MROH2B: variants seen among roughly 807,000 people sequenced by gnomAD.
MROH2B encodes the protein maestro heat-like repeat-containing protein family member 2B.
In MROH2B, 177 loss-of-function variants were observed where a neutral mutation model predicts 208.6. The observed-to-expected ratio is 0.85, with a 90% CI of 0.75 to 0.96. The LOEUF is 0.96. Ranked by LOEUF, MROH2B falls within the 40% of genes least tolerant of loss-of-function variation. MROH2B has a pLI of 0.00. For synonymous variants in MROH2B, 728 were observed against 659.0 expected, an observed-to-expected ratio of 1.10 and a Z score of -1.60; for missense variants, 2,002 against 1,878.7, an observed-to-expected ratio of 1.07 and a Z score of -1.21.
At chr5:41,007,005 T>A (rs1446023159) in intron 34 of MROH2B, among the ~76,000 whole-genome samples, 4 of 152,116 alleles carry the variant, frequency 2.6e-5, no homozygotes, top group African/African-American at 7.2e-5. Flanking sequence ...AAATTTTTTT[T>A]AAAAAGCTGA....
At position 41,052,516 on chromosome 5, in the gene MROH2B, C is replaced by T. The variant is rs1353921514; in HGVS notation, c.1179G>A (p.Trp393Ter). 3 of 1,612,632 alleles carry T rather than the reference C, an allele frequency of 1.9e-6. No homozygotes were observed. Among genetic ancestry groups the T allele is most frequent in the East Asian group, 4.5e-5 (2 of 44,778 alleles). Residue 393 changes from tryptophan (W) to a stop codon, truncating the protein, a stop_gained, in exon 12 of 42, where the codon TGG becomes TGA. Coordinates refer to ENST00000399564, the MANE Select transcript of MROH2B (RefSeq NM_173489.5). LOFTEE classifies it high-confidence loss of function. ...GGGAGAAGACATAATCAATCAATGG[C>T]CATCCTTCCCGAGCTTCAATATAGG... ...EKSYIEAREGWPLIDYVFSQF... is the reference protein window; with the variant it reads ...EKSYIEAREG
At chr5:41,051,113 G>T in intron 12 of MROH2B, 23 bp from the exon 13 acceptor site, 1 of 1,478,902 alleles carries the variant, frequency 6.8e-7, no homozygotes, top group South Asian at 1.4e-5. Flanking sequence ...TCAAACAGGT[G>T]ACTTGTTAAT....
In MROH2B at chr5:41,008,634, C is replaced by T. The variant is rs547876402; in HGVS notation, c.3580G>A (p.Glu1194Lys). ...SHRRHVMQQG[E>K]QQQIPDPCRL... Reference sequence around the variant, plus strand: ...CAGGGGTCTGGGATCTGCTGCTGTTCTCCCTGCTGCATCACATGCCGCCTA... The same window carrying T: ...CAGGGGTCTGGGATCTGCTGCTGTTTTCCCTGCTGCATCACATGCCGCCTA... The change falls in exon 33 of 42, where the codon GAA becomes AAA. Residue 1194 changes from glutamate (E) to lysine (K), a missense_variant. Physicochemically the swap from Glu to Lys is moderately conservative, Grantham distance 56. Transcript: ENST00000399564. 2 of 1,613,884 alleles carry T rather than the reference C, an allele frequency of 1.2e-6. No individual in the cohort carries two copies. The highest frequency in any genetic ancestry group is 1.1e-5 in the South Asian group (1 of 91,078).
At chr5:41,017,104 G>A (rs1358787814) in intron 28 of MROH2B, among the ~76,000 whole-genome samples, 1 of 152,188 alleles carries the variant, frequency 6.6e-6, no homozygotes, top group African/African-American at 2.4e-5. Context: ...AACATAGGCA[G>A]GCATAAGGTG....
intron 23 of MROH2B, 104 bp from the exon 24 acceptor site, chr5:41,032,925 A>G: frequency 1.9e-6 from 3 of 1,552,354 alleles, no homozygotes; most frequent in Non-Finnish European, 2.6e-6. Flanking sequence ...GTCATAAACA[A>G]GGCAGAGATC....
chr5:41,021,647 G>A (rs561461304), intron 24 of MROH2B, among the ~76,000 whole-genome samples: 1 of 152,292 alleles, frequency 6.6e-6, no homozygotes, highest in African/African-American at 2.4e-5. Context: ...GGAGGCTGAG[G>A]TGGGCTGAGA....
rs750653237 is a variant in MROH2B at position 41,018,779 on chromosome 5, TAGAG to T, written c.2581_2584del (p.Leu861MetfsTer8). The stretch of plus-strand genomic sequence containing the variant: ...TCCTAGGGCGTCCATGGATCGTTCA[TAGAG>T]AAACTGAAATCAAATATGTGTGTGT... On this transcript the variant is annotated frameshift_variant, in exon 26 of 42. Transcript: ENST00000399564. LOFTEE classifies it high-confidence loss of function. 6.2e-7 allele frequency: 1 copy of T among 1,613,878 alleles called. No individual in the cohort carries two copies.
At chr5:41,048,902 A>G (rs1279855176) in intron 15 of MROH2B, among the ~76,000 whole-genome samples, 199 bp downstream of exon 15, 1 of 152,222 alleles carries the variant, frequency 6.6e-6, no homozygotes, top group Non-Finnish European at 1.5e-5. Flanking sequence ...AAGTTCAACA[A>G]GTATTTCAGA....
At position 41,052,524 on chromosome 5, in the gene MROH2B, C is replaced by T. The variant is rs759741202; in HGVS notation, c.1171G>A (p.Glu391Lys). Reference protein sequence around the residue: ...MCEKSYIEAREGWPLIDYVFS... With the variant: ...MCEKSYIEARKGWPLIDYVFS... ...ACATAATCAATCAATGGCCATCCTT[C>T]CCGAGCTTCAATATAGGACTTTTCA... Residue 391 changes from glutamate to lysine, a missense_variant, in exon 12 of 42, where the codon GAA becomes AAA. Physicochemically the swap from Glu to Lys is moderately conservative, Grantham distance 56. Coordinates refer to ENST00000399564, the MANE Select transcript of MROH2B (RefSeq NM_173489.5). The T allele has an allele frequency of 3.7e-6, 6 of 1,612,710 alleles. No homozygotes were observed. Among genetic ancestry groups the T allele is most frequent in the South Asian group, 1.1e-5 (1 of 90,960 alleles).
In MROH2B at chr5:41,009,452, G is replaced by A. The variant is rs187719614; in HGVS notation, c.3294-46C>T. 446 of 1,598,806 alleles carry A rather than the reference G, an allele frequency of 2.8e-4. No individual in the cohort carries two copies. The African/African-American group carries it at 4.9e-3, about 18-fold the overall frequency. On this transcript the variant is annotated intron_variant, in intron 31 of 41. Coordinates refer to ENST00000399564, the MANE Select transcript of MROH2B (RefSeq NM_173489.5). ...ATTGGTAGATAAGGCACAACCCCTC[G>A]GGCTGTAAGCTTTTCCATCTGACTC...
rs1393170023 is a variant in MROH2B, at chr5:41,000,562, G to C, written c.4350+116C>G. ...CTAGAATTGGAGAAGAGGTTTTCAGGTTCAGCGCTAAGGGGTGACTTTAGA... is the reference window on the plus strand; with the variant it reads ...CTAGAATTGGAGAAGAGGTTTTCAGCTTCAGCGCTAAGGGGTGACTTTAGA... On this transcript the variant is annotated intron_variant, in intron 38 of 41. Transcript: ENST00000399564. The C allele has an allele frequency of 1.2e-5, 17 of 1,387,024 alleles. No individual in the cohort carries two copies. In the East Asian group the frequency reaches 3.5e-4, roughly 28 times the overall value. The allele number at this position is 1,387,024 out of a possible 1,614,324, so 85.9% of individuals were successfully genotyped here. A position where few individuals can be genotyped will look rare whatever the true frequency, so the allele number is the denominator to read the frequency against.
Position 40,998,641 on chromosome 5 carries a change from T to A in MROH2B, c.4622A>T (p.Glu1541Val). Reference sequence around the variant, plus strand: ...GGTCAGTTGTTCTCTGTCTAGTAACTCCACATATTGGCTGGTCAAATTGAG... The same window carrying A: ...GGTCAGTTGTTCTCTGTCTAGTAACACCACATATTGGCTGGTCAAATTGAG... ...VVLNLTSQYV[E>V]LLDREQLTTR... is the part of the protein sequence containing the mutation. The change falls in exon 41 of 42, where the codon GAG becomes GTG. Residue 1541 changes from glutamate to valine, a missense_variant. Glu to Val is a moderately radical substitution (Grantham distance 121, BLOSUM62 -2). Transcript: ENST00000399564. 6.3e-7 allele frequency: 1 copy of A among 1,596,072 alleles called. No individual in the cohort carries two copies. The highest frequency in any genetic ancestry group is 1.3e-5 in the African/African-American group (1 of 74,812).
intron 28 of MROH2B, 144 bp downstream of exon 28, chr5:41,017,706 G>C: frequency 3.6e-6 from 3 of 843,302 alleles, no homozygotes; most frequent in Non-Finnish European, 5.2e-6. Flanking sequence ...GAGGGGAGAG[G>C]AGAGGAGAAA....
intron 24 of MROH2B, among the ~76,000 whole-genome samples, chr5:41,022,381 AATGGCAC>A (rs1742180442): frequency 1.3e-5 from 2 of 152,194 alleles, no homozygotes; most frequent in African/African-American, 4.8e-5. Context: ...GGTCTTAGCA[AATGGCAC>A]ACCAGGAGAT....
Position 41,070,868 on chromosome 5 carries a change from G to C in MROH2B, c.-16C>G, listed in dbSNP as rs1342210503. On this transcript the variant is annotated 5_prime_UTR_variant, in exon 1 of 42. Transcript: ENST00000399564. The stretch of plus-strand genomic sequence containing the variant: ...TAAGTGTCATGTCTTGGCTGTTTCA[G>C]GGTCTCTAAAAGATAGCACCTAAGT... The C allele has an allele frequency of 5.0e-6, 8 of 1,609,700 alleles. No individual in the cohort carries two copies. Among genetic ancestry groups the C allele is most frequent in the Non-Finnish European group, 6.8e-6 (8 of 1,177,950 alleles).
rs990839218 is a variant in MROH2B, at chr5:41,048,474, T to C, written c.1543-9A>G. 4 of 1,597,602 alleles carry C rather than the reference T, an allele frequency of 2.5e-6. No individual in the cohort carries two copies. The highest frequency in any genetic ancestry group is 4.5e-5 in the East Asian group (2 of 44,610). On this transcript the variant is annotated splice_polypyrimidine_tract_variant and intron_variant, in intron 15 of 41. Transcript: ENST00000399564. ...GCAGGCATAGATATTACCTGAAGGA[T>C]AGAAGAGAAGGAGCTCATCAATTTC...
At chr5:41,063,793 T>A (rs1218744033) in intron 5 of MROH2B, among the ~76,000 whole-genome samples, 1 of 152,112 alleles carries the variant, frequency 6.6e-6, no homozygotes, top group African/African-American at 2.4e-5. Context: ...AGAGACCAGG[T>A]CTCCAGTCTC....
intron 5 of MROH2B, among the ~76,000 whole-genome samples, chr5:41,063,941 T>C (rs1743719268): frequency 6.6e-6 from 1 of 152,214 alleles, no homozygotes; most frequent in Non-Finnish European, 1.5e-5. Context: ...TGCTTGCCTA[T>C]TTTTCTTGAT....
At chr5:41,026,444 A>T (rs937494228) in intron 24 of MROH2B, among the ~76,000 whole-genome samples, 7 of 152,230 alleles carry the variant, frequency 4.6e-5, no homozygotes, top group Admixed American at 4.6e-4. Flanking sequence ...CAATTGCTTC[A>T]AAGAGAATAA....
Sources: gnomAD v4.1 joint callset for allele counts (sites outside exome capture counted in the v4.1 genomes callset) on GRCh38, gnomAD v4.1.1 for gene constraint, MANE v1.5 for transcripts, NCBI Gene and HGNC (gene_info 2026-07-23, HGNC 2026-07-21) for gene names.